TTLL5: variants seen among roughly 807,000 people sequenced by gnomAD.
TTLL5 encodes tubulin polyglutamylase TTLL5.
Under a neutral mutation model 168.4 loss-of-function variants are expected in TTLL5, and 132 were observed. That is an observed-to-expected ratio of 0.78 (90% confidence interval 0.68 to 0.91). The LOEUF is 0.91. Ranked by LOEUF, TTLL5 falls within the 40% of genes least tolerant of loss-of-function variation. The probability of loss-of-function intolerance (pLI) is 0.00; values close to 1 mark genes in which losing one functional copy is unlikely to be tolerated. For missense variants in TTLL5, 1,545 were observed against 1,581.5 expected (o/e 0.98, Z 0.39); for synonymous variants, 546 against 558.6 (o/e 0.98, Z 0.32).
At chr14:75,898,798 G>A (rs1396834725) in intron 30 of TTLL5, among the ~76,000 whole-genome samples, 1 of 152,186 alleles carries the variant, frequency 6.6e-6, no homozygotes, top group African/African-American at 2.4e-5. Flanking sequence ...GAGATAACCT[G>A]TCAATCTCAA....
At chr14:75,761,165 A>C (rs768643949) in intron 18 of TTLL5, among the ~76,000 whole-genome samples, 5 of 152,184 alleles carry the variant, frequency 3.3e-5, no homozygotes, top group Non-Finnish European at 7.4e-5. Context: ...AGGGAATTAC[A>C]AAGTAAAACC....
At chr14:75,752,019 A>G (rs1889986595) in intron 17 of TTLL5, among the ~76,000 whole-genome samples, 2 of 152,270 alleles carry the variant, frequency 1.3e-5, no homozygotes, top group Admixed American at 6.5e-5. Context: ...TGACATTGCC[A>G]TGGCATTTGT....
In TTLL5 at chr14:75,719,781, A is replaced by G; in HGVS notation, c.889A>G (p.Ser297Gly). Residue 297 changes from serine to glycine, a missense_variant, in exon 11 of 32, where the codon AGT (serine) becomes GGT (glycine). Coordinates refer to ENST00000298832, the MANE Select transcript of TTLL5 (RefSeq NM_015072.5). ...VEDYGNKWSM[S>G]AMLRYLKQEG... The stretch of plus-strand genomic sequence containing the variant: ...GGATTATGGAAACAAATGGAGCATG[A>G]GTGCTATGCTTAGGTACCTGAAACA... The G allele has an allele frequency of 6.2e-7, 1 of 1,613,814 alleles. No individual in the cohort carries two copies. Among genetic ancestry groups the G allele is most frequent in the Non-Finnish European group, 8.5e-7 (1 of 1,179,848 alleles).
At position 75,914,017 on chromosome 14, in the gene TTLL5, GAA is replaced by G. The variant is rs1201862659; in HGVS notation, c.3823+11809_3823+11810del. ...GCGACAGAGGAAGACTGTTTAAAAGGAAAAAAAAAAAAAAAAATATATATATA... is the reference window on the plus strand; with the variant it reads ...GCGACAGAGGAAGACTGTTTAAAAGGAAAAAAAAAAAAAAATATATATATA... On this transcript the variant is annotated intron_variant, in intron 31 of 31. Transcript: ENST00000298832. Among the ~76,000 whole-genome samples, 223 of 31,060 alleles carry G rather than the reference GAA, an allele frequency of 7.2e-3. 28 individuals are homozygous for G. Among genetic ancestry groups the G allele is most frequent in the African/African-American group, 0.047 (199 of 4,268 alleles). 20.4% of individuals were successfully genotyped at this position (31,060 alleles called of 152,430 possible).
At chr14:75,934,077 C>T (rs2034360441) in intron 31 of TTLL5, among the ~76,000 whole-genome samples, 1 of 152,194 alleles carries the variant, frequency 6.6e-6, no homozygotes, top group African/African-American at 2.4e-5. Flanking sequence ...TGGCTTATCC[C>T]ATAGTGGCTG....
intron 29 of TTLL5, among the ~76,000 whole-genome samples, chr14:75,870,422 A>G (rs1451761929): frequency 2.0e-5 from 3 of 151,400 alleles, no homozygotes. Flanking sequence ...CTCAATTCTT[A>G]ATGAAAGAAA....
intron 27 of TTLL5, among the ~76,000 whole-genome samples, chr14:75,807,313 T>C (rs930422858): frequency 1.3e-5 from 2 of 152,052 alleles, no homozygotes; most frequent in African/African-American, 4.8e-5. Context: ...CCAGGTGCGG[T>C]GGCACGTGCC....
At chr14:75,843,279 A>G (rs920338012) in intron 28 of TTLL5, among the ~76,000 whole-genome samples, 2 of 151,960 alleles carry the variant, frequency 1.3e-5, no homozygotes, top group African/African-American at 4.8e-5. Context: ...TTGGAAGTCC[A>G]CTCTTCCCAC....
At position 75,751,732 on chromosome 14, in the gene TTLL5, T is replaced by G. The variant is rs112330123; in HGVS notation, c.1488-1161T>G. ...TCAGAGGCAAAAGATCAGTGGGAGG[T>G]GAGAGAGTGTTACTGGAAAGGGATC... On this transcript the variant is annotated intron_variant, in intron 17 of 31. Coordinates refer to ENST00000298832, the MANE Select transcript of TTLL5 (RefSeq NM_015072.5). Among the ~76,000 whole-genome samples the G allele has an allele frequency of 1.5e-3, 228 of 151,278 alleles. 1 individual carries two copies. Among genetic ancestry groups the G allele is most frequent in the African/African-American group, 5.1e-3 (212 of 41,198 alleles).
At chr14:75,850,993 C>T (rs958560546) in intron 28 of TTLL5, among the ~76,000 whole-genome samples, 15 of 142,480 alleles carry the variant, frequency 1.1e-4, no homozygotes, top group African/African-American at 2.6e-4. Context: ...ACTCAGGAGG[C>T]GGAGGTGGCG....
intron 28 of TTLL5, among the ~76,000 whole-genome samples, chr14:75,847,081 A>G (rs533151948): frequency 6.6e-6 from 1 of 152,084 alleles, no homozygotes; most frequent in African/African-American, 2.4e-5. Flanking sequence ...AGCTCACTGC[A>G]ACCTCTGCTT....
chr14:75,747,109 T>G (rs1889663712), intron 17 of TTLL5, among the ~76,000 whole-genome samples: 3 of 152,268 alleles, frequency 2.0e-5, no homozygotes, highest in Admixed American at 6.5e-5. Flanking sequence ...TGCTCATGTT[T>G]TTTCAGACTT....
intron 29 of TTLL5, among the ~76,000 whole-genome samples, chr14:75,864,354 T>C (rs1253814814): frequency 6.6e-6 from 1 of 152,230 alleles, no homozygotes; most frequent in African/African-American, 2.4e-5. Context: ...TATGTTAGCA[T>C]GCAGGTCATC....
intron 18 of TTLL5, among the ~76,000 whole-genome samples, chr14:75,760,452 A>T (rs1356101653): frequency 2.0e-5 from 3 of 152,078 alleles, no homozygotes; most frequent in Non-Finnish European, 4.4e-5. Flanking sequence ...TTCAATCATT[A>T]TTCTGGTAGA....
chr14:75,741,763 C>T (rs1346245273), intron 15 of TTLL5, among the ~76,000 whole-genome samples: 3 of 152,042 alleles, frequency 2.0e-5, no homozygotes, highest in African/African-American at 4.8e-5. Context: ...TGCCTCTACC[C>T]GACCCCAAAC....
At chr14:75,867,983 C>T (rs2030673656) in intron 29 of TTLL5, among the ~76,000 whole-genome samples, 1 of 152,158 alleles carries the variant, frequency 6.6e-6, no homozygotes, top group African/African-American at 2.4e-5. Context: ...ACAGTGACTA[C>T]TGGTGACATC....
chr14:75,873,074 CTT>C (rs71119401), intron 29 of TTLL5, among the ~76,000 whole-genome samples: 170 of 110,328 alleles, frequency 1.5e-3, no homozygotes, highest in South Asian at 8.7e-3. Context: ...ATCTCCAGAA[CTT>C]TTTTTTTTTT....
At chr14:75,928,342 C>CATATATATATATATATATAT (rs3034073) in intron 31 of TTLL5, among the ~76,000 whole-genome samples, 3,476 of 81,286 alleles carry the variant, frequency 0.043, 309 homozygotes, top group African/African-American at 0.048. Context: ...ATGACAAAAA[C>CATATATATATATATATATAT]ATATATATAT....
intron 27 of TTLL5, among the ~76,000 whole-genome samples, chr14:75,819,597 T>C (rs1343832426): frequency 1.3e-5 from 2 of 152,250 alleles, no homozygotes; most frequent in Non-Finnish European, 2.9e-5. Context: ...ATTCTTTGTG[T>C]ATTATAATAA....
Sources: allele counts gnomAD v4.1 joint callset (sites outside exome capture counted in the v4.1 genomes callset), GRCh38; gene constraint gnomAD v4.1.1; transcripts MANE v1.5; gene names NCBI Gene and HGNC (gene_info 2026-07-23, HGNC 2026-07-21).